Variants in CCDC148 observed in about 807,000 individuals in gnomAD.
The protein encoded by CCDC148 is coiled-coil domain containing 148.
A neutral mutation model predicts 85.7 loss-of-function variants in CCDC148; 89 were observed. That is an observed-to-expected ratio of 1.04 (90% confidence interval 0.87 to 1.24). The LOEUF is 1.24. Among genes scored for constraint, CCDC148 ranks in the 50% most tolerant of loss-of-function variants. The pLI is 0.00. For synonymous variants in CCDC148, 230 were observed against 213.9 expected, an observed-to-expected ratio of 1.08 and a Z score of -0.66; for missense variants, 692 against 671.7, an observed-to-expected ratio of 1.03 and a Z score of -0.33.
chr2:158,374,356 G>C (rs541258561), intron 1 of CCDC148, among the ~76,000 whole-genome samples: 1 of 151,948 alleles, frequency 6.6e-6, no homozygotes, highest in Non-Finnish European at 1.5e-5. Context: ...CCAAGAGCTT[G>C]GGGTTAAGAA....
At chr2:158,224,512 G>C (rs1434226384) in intron 10 of CCDC148, among the ~76,000 whole-genome samples, 1 of 152,070 alleles carries the variant, frequency 6.6e-6, no homozygotes, top group African/African-American at 2.4e-5. Flanking sequence ...ACACATAATT[G>C]TCAGATTCAC....
chr2:158,199,213 C>T (rs1322015932), intron 11 of CCDC148, among the ~76,000 whole-genome samples: 4 of 152,156 alleles, frequency 2.6e-5, no homozygotes, highest in African/African-American at 7.2e-5. Flanking sequence ...TTAATGAAGA[C>T]ATTTTGATAT....
At chr2:158,391,791 G>C (rs1317839721) in intron 1 of CCDC148, among the ~76,000 whole-genome samples, 2 of 152,102 alleles carry the variant, frequency 1.3e-5, no homozygotes, top group Non-Finnish European at 2.9e-5. Context: ...AAATAGCTTT[G>C]GGACTGTGAT....
At chr2:158,309,753 G>A in intron 8 of CCDC148, 114 bp from the exon 9 acceptor site, 1 of 799,616 alleles carries the variant, frequency 1.3e-6, no homozygotes, top group Non-Finnish European at 1.9e-6. Context: ...TTGAAAAACT[G>A]GGGACAAATA....
At chr2:158,417,205 G>C (rs1389345161) in intron 1 of CCDC148, among the ~76,000 whole-genome samples, 1 of 152,136 alleles carries the variant, frequency 6.6e-6, no homozygotes, top group African/African-American at 2.4e-5. Context: ...CTATATTAAG[G>C]TGTCTGAATA....
chr2:158,224,211 C>T (rs1687363040), intron 10 of CCDC148, among the ~76,000 whole-genome samples: 1 of 152,122 alleles, frequency 6.6e-6, no homozygotes, highest in African/African-American at 2.4e-5. Context: ...AGAAAGGGTA[C>T]CAGTGATGCA....
chr2:158,417,937 T>C (rs17420951), intron 1 of CCDC148, among the ~76,000 whole-genome samples: 25,346 of 152,184 alleles, frequency 0.17, 2,277 homozygotes, highest in Middle Eastern at 0.21. Context: ...TCTGCTCTTA[T>C]AAAACTTTGG....
intron 7 of CCDC148, among the ~76,000 whole-genome samples, chr2:158,325,185 C>T (rs1391979794): frequency 2.0e-5 from 3 of 152,008 alleles, no homozygotes; most frequent in Non-Finnish European, 2.9e-5. Flanking sequence ...CTGTACACAT[C>T]ATCTTCAATT....
intron 1 of CCDC148, among the ~76,000 whole-genome samples, chr2:158,398,282 A>G (rs1367369748): frequency 6.6e-6 from 1 of 152,166 alleles, no homozygotes; most frequent in African/African-American, 2.4e-5. Context: ...CAGACCTAAT[A>G]GACATCTACA....
chr2:158,403,435 A>T (rs1393577833), intron 1 of CCDC148, among the ~76,000 whole-genome samples: 1 of 152,050 alleles, frequency 6.6e-6, no homozygotes, highest in African/African-American at 2.4e-5. Context: ...CATTTCAACC[A>T]CTGAGGGAAA....
chr2:158,326,248 G>A (rs1021272163), intron 7 of CCDC148, among the ~76,000 whole-genome samples: 8 of 152,100 alleles, frequency 5.3e-5, no homozygotes, highest in Non-Finnish European at 1.2e-4. Context: ...TGCAGGACTA[G>A]TTCTCCCAAC....
chr2:158,334,554 G>A (rs913036998), intron 7 of CCDC148, among the ~76,000 whole-genome samples: 5 of 70,432 alleles, frequency 7.1e-5, no homozygotes, highest in African/African-American at 3.3e-4. Context: ...ATTCTTTTAT[G>A]ATTTTCTTTC....
chr2:158,254,321 T>C (rs535900682), intron 9 of CCDC148, among the ~76,000 whole-genome samples: 2 of 151,776 alleles, frequency 1.3e-5, no homozygotes, highest in African/African-American at 4.8e-5. Context: ...TTATGTTCTA[T>C]AACGTTAGAG....
At chr2:158,347,097 C>T (rs1281053395) in intron 2 of CCDC148, among the ~76,000 whole-genome samples, 3 of 152,168 alleles carry the variant, frequency 2.0e-5, no homozygotes, top group Admixed American at 6.5e-5. Flanking sequence ...TAAAATCTGA[C>T]ACTTTAACGT....
chr2:158,384,818 C>T (rs1685017435), intron 1 of CCDC148, among the ~76,000 whole-genome samples: 4 of 152,154 alleles, frequency 2.6e-5, no homozygotes, highest in Non-Finnish European at 5.9e-5. Context: ...TGTCTTTAAA[C>T]AACAATACCC....
chr2:158,350,161 C>T (rs531884418), intron 2 of CCDC148, among the ~76,000 whole-genome samples: 5 of 152,304 alleles, frequency 3.3e-5, no homozygotes, highest in African/African-American at 1.2e-4. Flanking sequence ...AGCCATCTAG[C>T]AGCTAACAGT....
chr2:158,382,931 A>C (rs2356091), intron 1 of CCDC148, among the ~76,000 whole-genome samples: 26,834 of 151,878 alleles, frequency 0.18, 3,072 homozygotes, highest in Middle Eastern at 0.26. Context: ...ACAAAAAAAA[A>C]CCACAATAAC....
At chr2:158,204,129 A>T (rs1439655322) in intron 11 of CCDC148, among the ~76,000 whole-genome samples, 1 of 152,314 alleles carries the variant, frequency 6.6e-6, no homozygotes, top group Non-Finnish European at 1.5e-5. Context: ...AATGTGCCAG[A>T]TACAAAGGTA....
chr2:158,225,646 G>T (rs4516381), intron 10 of CCDC148, among the ~76,000 whole-genome samples: 54,134 of 152,138 alleles, frequency 0.36, 11,510 homozygotes, highest in South Asian at 0.6. Context: ...TCGGGATTAA[G>T]AAACTCACTC....
Sources: gnomAD v4.1 joint callset for allele counts (sites outside exome capture counted in the v4.1 genomes callset) on GRCh38, gnomAD v4.1.1 for gene constraint, MANE v1.5 for transcripts, NCBI Gene and HGNC (gene_info 2026-07-23, HGNC 2026-07-21) for gene names.